The following CDC73 variants were observed in gnomAD, a reference collection of about 807,000 sequenced individuals.
CDC73 encodes the protein cell division cycle 73, also known as parafibromin.
CDC73 carries 21 observed loss-of-function variants against 83.7 expected under a neutral mutation model. The ratio of observed to expected loss-of-function variants is 0.25; its 90% CI spans 0.18 to 0.36. The LOEUF (loss-of-function observed/expected upper bound fraction) is 0.36. CDC73 is among the 10% of genes least tolerant of loss of function. The probability of loss-of-function intolerance (pLI) is 1.00; values close to 1 mark genes in which losing one functional copy is unlikely to be tolerated. For synonymous variants in CDC73, 224 were observed against 212.9 expected, an observed-to-expected ratio of 1.05 and a Z score of -0.45; for missense variants, 342 against 653.3, an observed-to-expected ratio of 0.52 and a Z score of 5.19.
At chr1:193,234,169 TCTCTCTCACACACA>T (rs1168619849) in intron 14 of CDC73, among the ~76,000 whole-genome samples, 5 of 81,564 alleles carry the variant, frequency 6.1e-5, no homozygotes, top group Non-Finnish European at 7.4e-5. Flanking sequence ...TCTCTCTCTC[TCTCTCTCACACACA>T]CACACACACA....
At chr1:193,174,626 A>G (rs933182276) in intron 10 of CDC73, among the ~76,000 whole-genome samples, 1 of 152,064 alleles carries the variant, frequency 6.6e-6, no homozygotes, top group South Asian at 2.1e-4. Flanking sequence ...CCTTTCATAC[A>G]TTGCTTGGTG....
chr1:193,130,915 C>A (rs1467097325), intron 3 of CDC73, among the ~76,000 whole-genome samples: 1 of 152,110 alleles, frequency 6.6e-6, no homozygotes, highest in Admixed American at 6.5e-5. Context: ...TCGTTGTTCA[C>A]CTCTCAGTTT....
chr1:193,232,023 A>G (rs528273064), intron 13 of CDC73, among the ~76,000 whole-genome samples: 6 of 152,288 alleles, frequency 3.9e-5, no homozygotes, highest in East Asian at 3.9e-4. Context: ...AACACTAGCA[A>G]ATTTTACAGG....
intron 15 of CDC73, among the ~76,000 whole-genome samples, chr1:193,239,713 C>A (rs1215267578): frequency 2.6e-5 from 4 of 151,956 alleles, no homozygotes; most frequent in Admixed American, 6.5e-5. Flanking sequence ...GGGTATGTAT[C>A]ACCTTGAGTG....
intron 13 of CDC73, 69 bp downstream of exon 13, chr1:193,212,546 A>G: frequency 9.6e-7 from 1 of 1,042,920 alleles, no homozygotes; most frequent in Non-Finnish European, 1.5e-6. Context: ...TAGTTACTGA[A>G]TCAGTATTAC....
At chr1:193,229,998 C>T (rs1206463665) in intron 13 of CDC73, among the ~76,000 whole-genome samples, 1 of 152,020 alleles carries the variant, frequency 6.6e-6, no homozygotes, top group Non-Finnish European at 1.5e-5. Context: ...ATACGTTCTT[C>T]AAAACTCATC....
chr1:193,147,543 A>T (rs926317536), intron 7 of CDC73, among the ~76,000 whole-genome samples: 1 of 151,698 alleles, frequency 6.6e-6, no homozygotes, highest in Non-Finnish European at 1.5e-5. Context: ...AATTTTTTGT[A>T]TTTTTAGTAG....
At chr1:193,155,150 T>C (rs962330103) in intron 10 of CDC73, among the ~76,000 whole-genome samples, 1 of 152,164 alleles carries the variant, frequency 6.6e-6, no homozygotes, top group African/African-American at 2.4e-5. Context: ...TATATATATG[T>C]TGTAGAGAAG....
chr1:193,179,404 C>G (rs1297298636), intron 10 of CDC73: 3 of 152,568 alleles, frequency 2.0e-5, no homozygotes, highest in Non-Finnish European at 1.5e-5. Flanking sequence ...CTATTTGTGC[C>G]TTTAAGTGAT....
intron 10 of CDC73, among the ~76,000 whole-genome samples, chr1:193,193,488 A>G (rs1334613633): frequency 1.3e-5 from 2 of 151,936 alleles, no homozygotes; most frequent in East Asian, 1.9e-4. Flanking sequence ...TTATGTTGTT[A>G]TTCTTTTGAT....
At chr1:193,162,255 TA>T (rs1676344836) in intron 10 of CDC73, among the ~76,000 whole-genome samples, 15 of 110,392 alleles carry the variant, frequency 1.4e-4, no homozygotes, top group South Asian at 8.2e-4. Flanking sequence ...ATAATAAATA[TA>T]GTATATATAA....
At position 193,186,874 on chromosome 1, in the gene CDC73, GCTTT is replaced by G. The variant is rs1487445255; in HGVS notation, c.973-16918_973-16915del. On this transcript the variant is annotated intron_variant, in intron 10 of 16. Transcript: ENST00000367435. ...TTTTTAACTTTATTCTTAAGTACAGGCTTTCTAAGTGTTTTCTGTGTTAGATGTT... is the reference window on the plus strand; with the variant it reads ...TTTTTAACTTTATTCTTAAGTACAGGCTAAGTGTTTTCTGTGTTAGATGTT... Among the ~76,000 whole-genome samples the G allele has an allele frequency of 1.0e-3, 154 of 152,024 alleles. 2 individuals are homozygous for G. Among genetic ancestry groups the G allele is most frequent in the Admixed American group, 1.0e-2 (152 of 15,266 alleles).
At chr1:193,217,437 A>AG (rs1342577701) in intron 13 of CDC73, among the ~76,000 whole-genome samples, 3 of 151,994 alleles carry the variant, frequency 2.0e-5, no homozygotes, top group African/African-American at 7.3e-5. Context: ...GAGTAGAAGT[A>AG]GGGGAGCCAG....
chr1:193,133,877 G>T (rs369057297), intron 3 of CDC73, among the ~76,000 whole-genome samples: 1 of 150,700 alleles, frequency 6.6e-6, no homozygotes, highest in Admixed American at 6.6e-5. Context: ...TATAATAAGA[G>T]AATTGCAAAT....
At chr1:193,180,968 C>T in intron 10 of CDC73, 1 of 1,613,392 alleles carries the variant, frequency 6.2e-7, no homozygotes, top group Non-Finnish European at 8.5e-7. Flanking sequence ...TGAAGGTAGC[C>T]ATTTAGCTTA....
intron 10 of CDC73, among the ~76,000 whole-genome samples, chr1:193,191,652 C>T (rs776605322): frequency 3.9e-5 from 6 of 152,064 alleles, no homozygotes; most frequent in African/African-American, 1.2e-4. Flanking sequence ...TCCCAAAGTG[C>T]GGGGGATTAT....
chr1:193,140,710 C>T (rs1675891606), intron 6 of CDC73, among the ~76,000 whole-genome samples: 1 of 152,124 alleles, frequency 6.6e-6, no homozygotes, highest in Admixed American at 6.5e-5. Context: ...CCGGATATCC[C>T]AGGCAGGTGT....
chr1:193,199,504 G>A lies in CDC73; in HGVS notation c.973-4291G>A, dbSNP rs544880700. Among the ~76,000 whole-genome samples the A allele has an allele frequency of 3.0e-4, 46 of 152,180 alleles. 3 individuals carry two copies. The South Asian group carries it at 9.3e-3, about 31-fold the overall frequency. ...AGGCGGGTGGGTCACTTGAGGTCAG[G>A]AATTTGAGACCAGCCTGGCCAACAT... On this transcript the variant is annotated intron_variant, in intron 10 of 16. Transcript: ENST00000367435.
At chr1:193,153,922 A>T (rs779208327) in intron 10 of CDC73, among the ~76,000 whole-genome samples, 6 of 152,176 alleles carry the variant, frequency 3.9e-5, no homozygotes, top group Non-Finnish European at 8.8e-5. Flanking sequence ...CAAGGCAGGG[A>T]TCAAGACTGA....
Sources: allele counts gnomAD v4.1 joint callset (sites outside exome capture counted in the v4.1 genomes callset), GRCh38; gene constraint gnomAD v4.1.1; transcripts MANE v1.5; gene names NCBI Gene and HGNC (gene_info 2026-07-23, HGNC 2026-07-21).